ATP10B: variants seen among roughly 807,000 people sequenced by gnomAD.
The protein encoded by ATP10B is ATPase phospholipid transporting 10B (putative), also known as phospholipid-transporting ATPase VB.
ATP10B carries 122 observed loss-of-function variants against 141.2 expected under a neutral mutation model. The observed-to-expected ratio is 0.86, with a 90% confidence interval of 0.75 to 1.00. The LOEUF is 1.00. Among genes scored for constraint, ATP10B ranks in the 50% least tolerant of loss-of-function variants. The probability of loss-of-function intolerance (pLI) is 0.00; values close to 1 mark genes in which losing one functional copy is unlikely to be tolerated. For missense variants in ATP10B, 1,876 were observed against 1,825.3 expected (o/e 1.03, Z -0.51); for synonymous variants, 685 against 692.0 (o/e 0.99, Z 0.16).
chr5:160,796,073 C>T (rs1048647106), intron 1 of ATP10B, among the ~76,000 whole-genome samples: 1 of 152,134 alleles, frequency 6.6e-6, no homozygotes, highest in Non-Finnish European at 1.5e-5. Context: ...CCTCACCACA[C>T]CAACTCTAAG....
chr5:160,826,832 G>A (rs997520462), intron 1 of ATP10B, among the ~76,000 whole-genome samples: 2 of 152,098 alleles, frequency 1.3e-5, no homozygotes, highest in African/African-American at 2.4e-5. Context: ...AATATGCCCT[G>A]GTCTCCTGCA....
intron 1 of ATP10B, among the ~76,000 whole-genome samples, chr5:160,821,287 T>C (rs1774082244): frequency 6.6e-6 from 1 of 151,812 alleles, no homozygotes; most frequent in South Asian, 2.1e-4. Context: ...AAATAAAATA[T>C]CTAGGAATTA....
the ATP10B span, among the ~76,000 whole-genome samples, chr5:160,927,630 T>G: frequency 1.4e-4 from 22 of 152,252 alleles, no homozygotes; most frequent in Non-Finnish European, 2.8e-4. Flanking sequence ...TGATATCTCC[T>G]GTTCCCTTCG....
At chr5:160,897,179 G>A in the ATP10B span, among the ~76,000 whole-genome samples, 1 of 152,182 alleles carries the variant, frequency 6.6e-6, no homozygotes, top group Admixed American at 6.5e-5. Context: ...CATAGTATTA[G>A]AAGTTCTGGC....
At chr5:160,773,593 T>C (rs1043571977) in intron 2 of ATP10B, among the ~76,000 whole-genome samples, 1 of 152,184 alleles carries the variant, frequency 6.6e-6, no homozygotes, top group African/African-American at 2.4e-5. Context: ...TGAAGAGTTA[T>C]AGATTTGGAG....
chr5:160,627,165 G>A (rs554016720), intron 13 of ATP10B, among the ~76,000 whole-genome samples: 1 of 152,206 alleles, frequency 6.6e-6, no homozygotes, highest in East Asian at 1.9e-4. Flanking sequence ...ATTTACTCCT[G>A]TCTCAAAATT....
intron 6 of ATP10B, among the ~76,000 whole-genome samples, chr5:160,673,064 G>C (rs1393952898): frequency 1.3e-5 from 2 of 152,236 alleles, no homozygotes; most frequent in African/African-American, 4.8e-5. Context: ...TTCTGTGGAA[G>C]TGCTCTGTGG....
intron 1 of ATP10B, among the ~76,000 whole-genome samples, chr5:160,805,153 C>A (rs894932204): frequency 6.6e-6 from 1 of 152,112 alleles, no homozygotes; most frequent in East Asian, 1.9e-4. Flanking sequence ...TGCTTTTATT[C>A]TCCTTGTTGG....
intron 19 of ATP10B, among the ~76,000 whole-genome samples, chr5:160,605,390 T>C (rs1753729310): frequency 6.6e-6 from 1 of 152,206 alleles, no homozygotes; most frequent in African/African-American, 2.4e-5. Context: ...ATCCAACCTT[T>C]AATCTCTTCT....
At position 160,820,137 on chromosome 5, in the gene ATP10B, G is replaced by A. The variant is rs561375980; in HGVS notation, c.-576+31804C>T. 6.8e-5 allele frequency among the ~76,000 whole-genome samples: 9 copies of A among 132,806 alleles called. No individual in the cohort carries two copies. In the South Asian group the frequency reaches 1.8e-3, roughly 27 times the overall value. The allele number at this position is 132,806 out of a possible 152,430, so 87.1% of individuals were successfully genotyped here. On this transcript the variant is annotated intron_variant, in intron 1 of 25. Coordinates refer to ENST00000327245, the MANE Select transcript of ATP10B (RefSeq NM_025153.3). ...AACAACATTGACCAATCTTTAGTGAGATTAATGAAAAAAAAAGAGGGAAGA... is the reference window on the plus strand; with the variant it reads ...AACAACATTGACCAATCTTTAGTGAAATTAATGAAAAAAAAAGAGGGAAGA...
In ATP10B at chr5:160,793,083, A is replaced by G. The variant is rs1386709672; in HGVS notation, c.-575-7280T>C. On this transcript the variant is annotated intron_variant, in intron 1 of 25. Transcript: ENST00000327245. ...AATCGGGAGTATGTTCAGAATTCTT[A>G]AATAATGTTTTGCACCAACATTTAT... Among the ~76,000 whole-genome samples the G allele has an allele frequency of 2.0e-5, 3 of 152,178 alleles. No individual in the cohort carries two copies. In the East Asian group the frequency reaches 5.8e-4, roughly 29 times the overall value.
the ATP10B span, among the ~76,000 whole-genome samples, chr5:160,913,751 A>C: frequency 3.9e-5 from 6 of 152,202 alleles, no homozygotes; most frequent in African/African-American, 1.2e-4. Flanking sequence ...TCGCACTGAT[A>C]ACAATGAGTT....
chr5:160,739,990 T>A (rs1169734720), intron 2 of ATP10B, among the ~76,000 whole-genome samples: 1 of 152,178 alleles, frequency 6.6e-6, no homozygotes, highest in Non-Finnish European at 1.5e-5. Context: ...TTTTCCTTTT[T>A]AAAAAAATAA....
the ATP10B span, among the ~76,000 whole-genome samples, chr5:160,861,653 T>C: frequency 6.6e-6 from 1 of 151,862 alleles, no homozygotes; most frequent in Admixed American, 6.6e-5. Flanking sequence ...TTATGCTGAA[T>C]ACAAGGAGAA....
intron 2 of ATP10B, among the ~76,000 whole-genome samples, chr5:160,754,898 G>A (rs6897531): frequency 0.59 from 90,191 of 151,946 alleles, 27,383 homozygotes; most frequent in African/African-American, 0.71. Context: ...ATTTTTCTAC[G>A]GTTTTATTGA....
At chr5:160,881,943 A>G in the ATP10B span, among the ~76,000 whole-genome samples, 2,966 of 152,314 alleles carry the variant, frequency 0.019, 98 homozygotes, top group African/African-American at 0.067. Context: ...ATGCTAAAAA[A>G]GTTAGTGATC....
intron 1 of ATP10B, among the ~76,000 whole-genome samples, chr5:160,823,790 C>G (rs1027019276): frequency 5.9e-5 from 9 of 151,944 alleles, no homozygotes; most frequent in African/African-American, 2.2e-4. Flanking sequence ...GCTGAGATCG[C>G]GGCGCTGCAC....
At chr5:160,850,937 A>G (rs1056693802) in intron 1 of ATP10B, among the ~76,000 whole-genome samples, 9 of 152,218 alleles carry the variant, frequency 5.9e-5, no homozygotes, top group African/African-American at 2.2e-4. Context: ...AGTAACATCT[A>G]GACAGAAAAC....
At chr5:160,745,417 C>T (rs1189107632) in intron 2 of ATP10B, among the ~76,000 whole-genome samples, 1 of 152,178 alleles carries the variant, frequency 6.6e-6, no homozygotes, top group African/African-American at 2.4e-5. Flanking sequence ...TTTAGGCCAA[C>T]TGATGCAGTA....
Sources: gnomAD v4.1 joint callset for allele counts (sites outside exome capture counted in the v4.1 genomes callset) on GRCh38, gnomAD v4.1.1 for gene constraint, MANE v1.5 for transcripts, NCBI Gene and HGNC (gene_info 2026-07-23, HGNC 2026-07-21) for gene names.